The following PRKG1 variants were observed in gnomAD, a reference collection of about 807,000 sequenced individuals.
The protein encoded by PRKG1 is protein kinase cGMP-dependent 1.
Under a neutral mutation model 88.1 loss-of-function variants are expected in PRKG1, and 35 were observed. The observed-to-expected ratio is 0.40, with a 90% CI of 0.30 to 0.53. PRKG1 has a LOEUF of 0.53. Ranked by LOEUF, PRKG1 falls within the 20% of genes least tolerant of loss-of-function variation. The pLI, the probability that PRKG1 is intolerant of heterozygous loss-of-function variation, is 0.59. For missense variants in PRKG1, 540 were observed against 839.8 expected, an observed-to-expected ratio of 0.64 and a Z score of 4.41; for synonymous variants, 303 against 292.5, an observed-to-expected ratio of 1.04 and a Z score of -0.37.
chr10:51,851,067 A>G (rs1564674857), intron 4 of PRKG1, among the ~76,000 whole-genome samples: 3 of 152,200 alleles, frequency 2.0e-5, no homozygotes, highest in Non-Finnish European at 4.4e-5. Flanking sequence ...CTTTTGGGAC[A>G]ACCCAGAAAT....
intron 9 of PRKG1, among the ~76,000 whole-genome samples, chr10:52,226,704 C>T (rs1189658273): frequency 6.6e-6 from 1 of 151,962 alleles, no homozygotes; most frequent in Non-Finnish European, 1.5e-5. Flanking sequence ...TTTTCATTTC[C>T]CAGAGACTCC....
Position 51,200,686 on chromosome 10 carries a change from T to G in PRKG1, c.478+47356T>G, listed in dbSNP as rs570139034. ...GCAAGTATAAATTACATGCTTGGAG[T>G]TTTCATAGCATGTGCATTTTATTTT... On this transcript the variant is annotated intron_variant, in intron 2 of 17. Coordinates refer to ENST00000373980, the MANE Select transcript of PRKG1 (RefSeq NM_006258.4). Among the ~76,000 whole-genome samples the G allele has an allele frequency of 3.0e-4, 45 of 151,974 alleles. 1 individual carries two copies. The highest frequency in any genetic ancestry group is 5.9e-4 in the Admixed American group (9 of 15,256).
intron 3 of PRKG1, among the ~76,000 whole-genome samples, chr10:51,535,504 A>G (rs920328230): frequency 4.6e-5 from 7 of 152,216 alleles, no homozygotes; most frequent in African/African-American, 1.7e-4. Context: ...TCTGATTCAC[A>G]TCAAACAAGT....
chr10:51,754,070 T>G (rs1055877391), intron 3 of PRKG1, among the ~76,000 whole-genome samples: 4 of 152,150 alleles, frequency 2.6e-5, no homozygotes, highest in African/African-American at 9.7e-5. Flanking sequence ...AGCTCCTTTC[T>G]TCTTCTGGGC....
intron 2 of PRKG1, among the ~76,000 whole-genome samples, chr10:51,224,945 T>TA (rs1166565877): frequency 1.3e-5 from 2 of 152,166 alleles, no homozygotes; most frequent in African/African-American, 4.8e-5. Flanking sequence ...TCCCATCGCC[T>TA]ACCCCCTGCC....
chr10:51,539,508 C>T (rs1456163476), intron 3 of PRKG1, among the ~76,000 whole-genome samples: 1 of 152,146 alleles, frequency 6.6e-6, no homozygotes, highest in African/African-American at 2.4e-5. Flanking sequence ...ACTGATACAT[C>T]TCTGGGAAGC....
At chr10:52,187,770 A>C (rs1839236217) in intron 9 of PRKG1, among the ~76,000 whole-genome samples, 1 of 152,150 alleles carries the variant, frequency 6.6e-6, no homozygotes, top group Non-Finnish European at 1.5e-5. Flanking sequence ...GGTCAATCTG[A>C]CTTCCTGTTG....
Position 51,115,385 on chromosome 10 carries a change from A to ATATATATATATATAT in PRKG1, c.312-37779_312-37778insTATATATATATATAT, listed in dbSNP as rs1554837458. On this transcript the variant is annotated intron_variant, in intron 1 of 17. Coordinates refer to ENST00000373980, the MANE Select transcript of PRKG1 (RefSeq NM_006258.4). Reference sequence around the variant, plus strand: ...TGTTCCTTTAAACATATATATATATAAAACAAATGTGAAAGGGGGAGAGAC... The same window carrying ATATATATATATATAT: ...TGTTCCTTTAAACATATATATATATATATATATATATATATAAACAAATGTGAAAGGGGGAGAGAC... Among the ~76,000 whole-genome samples the ATATATATATATATAT allele has an allele frequency of 3.0e-4, 28 of 94,500 alleles. 1 individual carries two copies. The highest frequency in any genetic ancestry group is 1.6e-3 in the East Asian group (3 of 1,916). 62.0% of individuals were successfully genotyped at this position (94,500 alleles called of 152,430 possible). A position where few individuals can be genotyped will look rare whatever the true frequency, so the allele number is the denominator to read the frequency against.
intron 9 of PRKG1, among the ~76,000 whole-genome samples, chr10:52,166,851 CTATA>C: frequency 2.6e-5 from 1 of 38,238 alleles, no homozygotes; most frequent in African/African-American, 6.2e-5. Flanking sequence ...ATATATATGT[CTATA>C]TATATATCTG....
chr10:51,942,892 C>T lies in PRKG1; in HGVS notation c.762+35322C>T, dbSNP rs551162895. Among the ~76,000 whole-genome samples the T allele has an allele frequency of 3.5e-3, 530 of 150,996 alleles. 3 individuals are homozygous for T. The highest frequency in any genetic ancestry group is 5.8e-3 in the Non-Finnish European group (397 of 68,008). On this transcript the variant is annotated intron_variant, in intron 5 of 17. Transcript: ENST00000373980. ...AGTTTGAAGTCAGGTAGCATGATGC[C>T]TCCAGCTTTGTTCTTTTGGCTTAGG...
intron 5 of PRKG1, among the ~76,000 whole-genome samples, chr10:51,986,868 G>T (rs930064741): frequency 1.3e-5 from 2 of 152,124 alleles, no homozygotes; most frequent in East Asian, 3.9e-4. Flanking sequence ...GAAAAAATAC[G>T]CTTCTATCTT....
At chr10:52,263,231 G>A (rs1841477269) in intron 10 of PRKG1, among the ~76,000 whole-genome samples, 1 of 151,962 alleles carries the variant, frequency 6.6e-6, no homozygotes, top group South Asian at 2.1e-4. Context: ...TCTAGTTTGT[G>A]GCTAACTGGG....
At chr10:51,000,140 A>G (rs1332527975) in intron 1 of PRKG1, among the ~76,000 whole-genome samples, 16 of 152,316 alleles carry the variant, frequency 1.1e-4, no homozygotes, top group Non-Finnish European at 5.9e-5. Context: ...TGCCATGACA[A>G]TGGTGTGTAT....
At chr10:51,873,016 C>T (rs1240862161) in intron 4 of PRKG1, among the ~76,000 whole-genome samples, 3 of 151,950 alleles carry the variant, frequency 2.0e-5, no homozygotes, top group African/African-American at 7.2e-5. Context: ...ATATCTGCAC[C>T]ATTTGTTTTA....
At chr10:51,039,715 C>G (rs144005113) in intron 1 of PRKG1, among the ~76,000 whole-genome samples, 5 of 152,114 alleles carry the variant, frequency 3.3e-5, no homozygotes, top group Non-Finnish European at 7.4e-5. Context: ...CTTTAGTAGT[C>G]ACATAGTTTG....
chr10:51,699,117 T>TCATCAGCTCAAACATCTGCTC (rs1841392721), intron 3 of PRKG1: 1 of 1,614,078 alleles, frequency 6.2e-7, no homozygotes, highest in Non-Finnish European at 8.5e-7. Context: ...TTCATCTGCT[T>TCATCAGCTCAAACATCTGCTC]CATCAGCTCA....
chr10:51,060,385 CT>C (rs889759530), intron 1 of PRKG1, among the ~76,000 whole-genome samples: 1 of 151,514 alleles, frequency 6.6e-6, no homozygotes, highest in African/African-American at 2.4e-5. Flanking sequence ...TTTTTCTTTC[CT>C]TTTTTGCCTC....
chr10:51,596,089 A>G (rs1838441230), intron 3 of PRKG1, among the ~76,000 whole-genome samples: 1 of 152,102 alleles, frequency 6.6e-6, no homozygotes, highest in Non-Finnish European at 1.5e-5. Flanking sequence ...TCGGCCTCCC[A>G]AAGTGCTGGG....
At chr10:51,924,779 T>C (rs1403851603) in intron 5 of PRKG1, among the ~76,000 whole-genome samples, 1 of 151,844 alleles carries the variant, frequency 6.6e-6, no homozygotes, top group Non-Finnish European at 1.5e-5. Context: ...TTTATTTATA[T>C]ACTTTCAAGC....
Sources: gnomAD v4.1 joint callset for allele counts (sites outside exome capture counted in the v4.1 genomes callset) on GRCh38, gnomAD v4.1.1 for gene constraint, MANE v1.5 for transcripts, NCBI Gene and HGNC (gene_info 2026-07-23, HGNC 2026-07-21) for gene names.